Variants in RORA observed in about 807,000 individuals in gnomAD.
RORA encodes the protein nuclear receptor ROR-alpha.
Under a neutral mutation model 69.5 loss-of-function variants are expected in RORA, and 7 were observed. That is an observed-to-expected ratio of 0.10 (90% confidence interval 0.06 to 0.19). RORA has a LOEUF of 0.19. Among genes scored for constraint, RORA ranks in the 10% least tolerant of loss-of-function variants. RORA has a pLI of 1.00. For synonymous variants in RORA, 261 were observed against 240.8 expected (o/e 1.08, Z -0.78); for missense variants, 457 against 663.0 (o/e 0.69, Z 3.41).
intron 10 of RORA, among the ~76,000 whole-genome samples, chr15:60,498,743 C>T (rs1292765468): frequency 6.6e-6 from 1 of 152,036 alleles, no homozygotes; most frequent in Non-Finnish European, 1.5e-5. Flanking sequence ...TGACAGGGCT[C>T]CTCCCTTCCA....
rs147162130 is a variant in RORA, at chr15:61,103,909, G to A, written c.166+125144C>T. 3.5e-3 allele frequency among the ~76,000 whole-genome samples: 529 copies of A among 152,194 alleles called. 1 individual carries two copies. Among genetic ancestry groups the A allele is most frequent in the Admixed American group, 6.9e-3 (106 of 15,296 alleles). ...AAAGAGAACCAGCAACAAACTCACTGAATCAGAGGGAAGTAGCAGGGGCTT... is the reference window on the plus strand; with the variant it reads ...AAAGAGAACCAGCAACAAACTCACTAAATCAGAGGGAAGTAGCAGGGGCTT... On this transcript the variant is annotated intron_variant, in intron 1 of 10. Coordinates refer to ENST00000335670, the MANE Select transcript of RORA (RefSeq NM_134261.3).
intron 10 of RORA, among the ~76,000 whole-genome samples, chr15:60,499,678 C>G (rs2065270049): frequency 2.0e-5 from 3 of 152,196 alleles, no homozygotes; most frequent in Admixed American, 1.3e-4. Flanking sequence ...CTGCAGGACA[C>G]TTTGTAATCA....
intron 1 of RORA, among the ~76,000 whole-genome samples, chr15:60,788,704 C>T (rs2072374963): frequency 6.6e-6 from 1 of 152,168 alleles, no homozygotes; most frequent in African/African-American, 2.4e-5. Context: ...AGAAGGCACC[C>T]TCCCTGCCTC....
At chr15:60,603,550 G>A (rs1184866296) in intron 2 of RORA, among the ~76,000 whole-genome samples, 1 of 152,204 alleles carries the variant, frequency 6.6e-6, no homozygotes, top group African/African-American at 2.4e-5. Flanking sequence ...GAAATAGAGG[G>A]TTAAGTTTCT....
At chr15:60,954,476 T>C (rs17237514) in intron 1 of RORA, among the ~76,000 whole-genome samples, 34,491 of 150,504 alleles carry the variant, frequency 0.23, 4,829 homozygotes, top group East Asian at 0.61. Flanking sequence ...AAATGTGAGA[T>C]GGGAGTAAAA....
At chr15:61,083,483 G>A (rs1205261351) in intron 1 of RORA, among the ~76,000 whole-genome samples, 2 of 152,008 alleles carry the variant, frequency 1.3e-5, no homozygotes, top group African/African-American at 2.4e-5. Flanking sequence ...TGAATCTGAG[G>A]CTGAAATCTC....
intron 3 of RORA, among the ~76,000 whole-genome samples, chr15:60,516,654 G>A (rs2065970412): frequency 6.6e-6 from 1 of 151,982 alleles, no homozygotes; most frequent in African/African-American, 2.4e-5. Context: ...TTTTTCTGGA[G>A]GTCAATTTGG....
rs183194337 is a variant in RORA at position 61,050,442 on chromosome 15, C to T, written c.166+178611G>A. On this transcript the variant is annotated intron_variant, in intron 1 of 10. Transcript: ENST00000335670. ...TTCCATGGTTAGAATTTAATAATTA[C>T]AGTCAATAACTCTCTTAAAGCATCG... 9.2e-4 allele frequency among the ~76,000 whole-genome samples: 140 copies of T among 152,298 alleles called. 1 individual carries two copies. The highest frequency in any genetic ancestry group is 2.6e-3 in the African/African-American group (110 of 41,550).
At chr15:61,195,890 T>C (rs547920298) in intron 1 of RORA, 2 of 152,338 alleles carry the variant, frequency 1.3e-5, no homozygotes, top group Admixed American at 6.5e-5. Context: ...ATCCCACGAG[T>C]GTCAAAAGGG....
intron 2 of RORA, among the ~76,000 whole-genome samples, chr15:60,550,009 G>C (rs2067186021): frequency 6.6e-6 from 1 of 151,690 alleles, no homozygotes; most frequent in Admixed American, 6.6e-5. Flanking sequence ...GTGTAGAAGA[G>C]GGGCCGGGCG....
intron 2 of RORA, among the ~76,000 whole-genome samples, chr15:60,597,264 C>G (rs976311406): frequency 6.6e-6 from 1 of 151,830 alleles, no homozygotes; most frequent in African/African-American, 2.4e-5. Flanking sequence ...TTTCATACAC[C>G]TATTAGGAAA....
At chr15:60,563,952 C>T (rs945196101) in intron 2 of RORA, among the ~76,000 whole-genome samples, 4 of 152,144 alleles carry the variant, frequency 2.6e-5, no homozygotes, top group Non-Finnish European at 4.4e-5. Flanking sequence ...GACCTGCATG[C>T]GGCTTTCACT....
At chr15:60,719,156 T>C (rs1595656682) in intron 1 of RORA, among the ~76,000 whole-genome samples, 1 of 95,212 alleles carries the variant, frequency 1.1e-5, no homozygotes, top group South Asian at 3.5e-4. Context: ...CAATATTATA[T>C]AACATTAAAG....
At chr15:60,911,442 A>C (rs1304400745) in intron 1 of RORA, among the ~76,000 whole-genome samples, 1 of 152,172 alleles carries the variant, frequency 6.6e-6, no homozygotes, top group Non-Finnish European at 1.5e-5. Context: ...GGCGGACAAA[A>C]TAGATAGTTG....
chr15:61,082,820 G>C (rs549558554), intron 1 of RORA, among the ~76,000 whole-genome samples: 111 of 152,284 alleles, frequency 7.3e-4, no homozygotes, highest in East Asian at 7.7e-4. Flanking sequence ...AGGATTCTAA[G>C]AGAAGAGATA....
intron 2 of RORA, among the ~76,000 whole-genome samples, chr15:60,585,714 G>A (rs1197545298): frequency 6.6e-6 from 1 of 152,076 alleles, no homozygotes. Flanking sequence ...ATTTAATATT[G>A]AGCCAAACAG....
rs144613878 is a variant in RORA, at chr15:61,050,232, C to T, written c.166+178821G>A. On this transcript the variant is annotated intron_variant, in intron 1 of 10. Transcript: ENST00000335670. Reference sequence around the variant, plus strand: ...TCCATGGCTGCTTTCACACTGCAGCCGCAGCGATGAGTCATGAGACACGCA... The same window carrying T: ...TCCATGGCTGCTTTCACACTGCAGCTGCAGCGATGAGTCATGAGACACGCA... Among the ~76,000 whole-genome samples the T allele has an allele frequency of 1.7e-3, 253 of 152,268 alleles. 1 individual carries two copies. Among genetic ancestry groups the T allele is most frequent in the African/African-American group, 5.8e-3 (242 of 41,544 alleles).
intron 1 of RORA, among the ~76,000 whole-genome samples, chr15:60,978,933 C>A (rs1259935467): frequency 6.8e-6 from 1 of 146,068 alleles, no homozygotes; most frequent in Non-Finnish European, 1.5e-5. Context: ...GTTTTGAAAT[C>A]AGGAAGTGTG....
rs1451416116 is a variant in RORA, at chr15:60,592,370, G to A, written c.197-60519C>T. On this transcript the variant is annotated intron_variant, in intron 2 of 10. Transcript: ENST00000335670. ...AGCCGCCAGCCCACCCGGCCCCGGC[G>A]GGGCGCCCGGGCTCACCTTTCATCG... 2.8e-6 allele frequency: 4 copies of A among 1,408,980 alleles called. No homozygotes were observed. In the South Asian group the frequency reaches 4.5e-5, roughly 16 times the overall value. The allele number at this position is 1,408,980 out of a possible 1,614,324, so 87.3% of individuals were successfully genotyped here.
Sources: gnomAD v4.1 joint callset for allele counts (sites outside exome capture counted in the v4.1 genomes callset) on GRCh38, gnomAD v4.1.1 for gene constraint, MANE v1.5 for transcripts, NCBI Gene and HGNC (gene_info 2026-07-23, HGNC 2026-07-21) for gene names.